Variants in KLF12 observed in about 807,000 individuals in gnomAD.
KLF12 encodes Krueppel-like factor 12.
In KLF12, 9 loss-of-function variants were observed where a neutral mutation model predicts 37.8. The ratio of observed to expected loss-of-function variants is 0.24; its 90% CI spans 0.14 to 0.42. KLF12 has a LOEUF of 0.42. Among genes scored for constraint, KLF12 ranks in the 10% least tolerant of loss-of-function variants. KLF12 has a pLI of 1.00. For missense variants in KLF12, 411 were observed against 516.0 expected (o/e 0.80, Z 1.97); for synonymous variants, 208 against 202.1 (o/e 1.03, Z -0.25).
At chr13:74,132,186 C>T (rs1453263965) in intron 1 of KLF12, among the ~76,000 whole-genome samples, 1 of 152,136 alleles carries the variant, frequency 6.6e-6, no homozygotes, top group Admixed American at 6.5e-5. Flanking sequence ...TCTTAGAAGA[C>T]GGTATACACC....
rs1555308731 is a variant in KLF12 at position 73,810,982 on chromosome 13, C to CTTTCTTTTTTT, written c.806+2169_806+2170insAAAAAAAGAAA. On this transcript the variant is annotated intron_variant, in intron 5 of 7. Coordinates refer to ENST00000377669, the MANE Select transcript of KLF12 (RefSeq NM_007249.5). ...ATGTTTATTTTTTTAATTTTTCTTT[C>CTTTCTTTTTTT]TTTTTTTTTTTTTTTTTTTTTTTTT... Among the ~76,000 whole-genome samples the CTTTCTTTTTTT allele has an allele frequency of 3.6e-3, 160 of 44,816 alleles. 18 individuals carry two copies. Among genetic ancestry groups the CTTTCTTTTTTT allele is most frequent in the African/African-American group, 6.0e-3 (71 of 11,872 alleles). The allele number at this position is 44,816 out of a possible 152,430, so 29.4% of individuals were successfully genotyped here.
intron 4 of KLF12, chr13:73,844,693 T>A (rs1276274706): frequency 3.9e-5 from 6 of 152,292 alleles, no homozygotes; most frequent in Non-Finnish European, 7.4e-5. Flanking sequence ...ATCAATCAAA[T>A]GTATTTATTC....
chr13:74,199,647 C>A, the KLF12 span, among the ~76,000 whole-genome samples: 1 of 152,080 alleles, frequency 6.6e-6, no homozygotes, highest in Non-Finnish European at 1.5e-5. Flanking sequence ...AACTTTATTG[C>A]CCAATATTTT....
intron 2 of KLF12, among the ~76,000 whole-genome samples, chr13:73,976,148 TG>T (rs1169196391): frequency 2.7e-5 from 4 of 146,878 alleles, no homozygotes; most frequent in Non-Finnish European, 6.0e-5. Flanking sequence ...GTTTTTGTTT[TG>T]GGGTTTTTTT....
chr13:73,715,290 G>T, intron 7 of KLF12, 78 bp downstream of exon 7: 1 of 1,318,854 alleles, frequency 7.6e-7, no homozygotes, highest in Non-Finnish European at 1.1e-6. Context: ...GAATGAGTAC[G>T]AAAGGCTCCC....
chr13:73,962,845 T>C (rs993537770), intron 2 of KLF12, among the ~76,000 whole-genome samples: 17 of 152,198 alleles, frequency 1.1e-4, no homozygotes, highest in African/African-American at 4.1e-4. Context: ...AAAACACTAG[T>C]GCCTAAAAGT....
chr13:74,266,204 A>G, the KLF12 span, among the ~76,000 whole-genome samples: 1 of 152,196 alleles, frequency 6.6e-6, no homozygotes, highest in African/African-American at 2.4e-5. Context: ...GGGATGCTTT[A>G]TGGAGCTCCA....
At chr13:73,842,954 C>G (rs976172621) in intron 4 of KLF12, among the ~76,000 whole-genome samples, 1 of 151,960 alleles carries the variant, frequency 6.6e-6, no homozygotes, top group Non-Finnish European at 1.5e-5. Context: ...ATCAGTTAAG[C>G]AATAAAAAAG....
chr13:73,704,342 A>G (rs1347654948), intron 7 of KLF12, among the ~76,000 whole-genome samples: 1 of 152,054 alleles, frequency 6.6e-6, no homozygotes, highest in Non-Finnish European at 1.5e-5. Flanking sequence ...CCACCTAAAC[A>G]TGTTCCTCTT....
chr13:73,889,271 G>GT (rs1887382447), intron 3 of KLF12, among the ~76,000 whole-genome samples: 1 of 152,152 alleles, frequency 6.6e-6, no homozygotes, highest in Non-Finnish European at 1.5e-5. Flanking sequence ...ATGTATATGT[G>GT]TATGTGCATA....
chr13:74,209,872 G>T, the KLF12 span, among the ~76,000 whole-genome samples: 1 of 152,120 alleles, frequency 6.6e-6, no homozygotes. Context: ...CAGATATAAT[G>T]AAACCAGAAG....
chr13:73,730,769 A>G (rs567062934), intron 6 of KLF12, among the ~76,000 whole-genome samples: 1 of 152,212 alleles, frequency 6.6e-6, no homozygotes, highest in African/African-American at 2.4e-5. Flanking sequence ...CTCACAGTTA[A>G]TCTTAATACC....
At chr13:73,901,397 T>C (rs73539920) in intron 3 of KLF12, among the ~76,000 whole-genome samples, 7,154 of 152,272 alleles carry the variant, frequency 0.047, 387 homozygotes, top group African/African-American at 0.13. Flanking sequence ...GGGGCCTTTT[T>C]GTTGCCATAG....
rs957206086 is a variant in KLF12, at chr13:73,690,435, C to T, written c.*5055G>A. The T allele has an allele frequency of 1.3e-5, 2 of 152,138 alleles. No homozygotes were observed. Among genetic ancestry groups the T allele is most frequent in the Non-Finnish European group, 2.9e-5 (2 of 68,010 alleles). 9.4% of individuals were successfully genotyped at this position (152,138 alleles called of 1,614,324 possible). A position where few individuals can be genotyped will look rare whatever the true frequency, so the allele number is the denominator to read the frequency against. Reference sequence around the variant, plus strand: ...CACACTCTGTTGAGGAGGGAGATAACTGAGAAAAGAGAACAATTGTAAGAT... The same window carrying T: ...CACACTCTGTTGAGGAGGGAGATAATTGAGAAAAGAGAACAATTGTAAGAT... On this transcript the variant is annotated 3_prime_UTR_variant, in exon 8 of 8. Coordinates refer to ENST00000377669, the MANE Select transcript of KLF12 (RefSeq NM_007249.5).
chr13:74,102,541 T>C (rs1303593111), intron 1 of KLF12, among the ~76,000 whole-genome samples: 2 of 151,558 alleles, frequency 1.3e-5, no homozygotes, highest in African/African-American at 4.9e-5. Context: ...CTACTAAAAA[T>C]ACAAAATTAG....
chr13:73,927,032 T>C (rs985152470), intron 3 of KLF12, among the ~76,000 whole-genome samples: 1 of 151,654 alleles, frequency 6.6e-6, no homozygotes, highest in African/African-American at 2.4e-5. Flanking sequence ...ATAAAAAATG[T>C]GAAAGGGTGT....
At chr13:74,197,153 G>A in the KLF12 span, among the ~76,000 whole-genome samples, 1 of 151,946 alleles carries the variant, frequency 6.6e-6, no homozygotes, top group Admixed American at 6.6e-5. Context: ...AATATTTATT[G>A]AAATAAAAAT....
chr13:74,041,588 C>T (rs989133357), intron 1 of KLF12, among the ~76,000 whole-genome samples: 1 of 151,912 alleles, frequency 6.6e-6, no homozygotes, highest in African/African-American at 2.4e-5. Flanking sequence ...AGCAACTCTT[C>T]CTTCTTAAAA....
At chr13:73,811,513 T>C (rs1378773948) in intron 5 of KLF12, among the ~76,000 whole-genome samples, 3 of 152,276 alleles carry the variant, frequency 2.0e-5, no homozygotes. Flanking sequence ...ACTATTACTA[T>C]TAGTACTATT....
Sources: allele counts gnomAD v4.1 joint callset (sites outside exome capture counted in the v4.1 genomes callset), GRCh38; gene constraint gnomAD v4.1.1; transcripts MANE v1.5; gene names NCBI Gene and HGNC (gene_info 2026-07-23, HGNC 2026-07-21).